FNTA: variants seen among roughly 807,000 people sequenced by gnomAD.
The protein encoded by FNTA is farnesyltransferase, CAAX box, subunit alpha, also known as protein farnesyltransferase/geranylgeranyltransferase type-1 subunit alpha.
Under a neutral mutation model 55.2 loss-of-function variants are expected in FNTA, and 27 were observed. The ratio of observed to expected loss-of-function variants is 0.49; its 90% CI spans 0.36 to 0.67. The LOEUF (loss-of-function observed/expected upper bound fraction) is 0.67, where lower values mean the gene tolerates loss of function less well. FNTA is among the 30% of genes least tolerant of loss of function. The pLI is 0.00. For missense variants in FNTA, 422 were observed against 464.7 expected, an observed-to-expected ratio of 0.91 and a Z score of 0.85; for synonymous variants, 176 against 170.7, an observed-to-expected ratio of 1.03 and a Z score of -0.24.
chr8:43,061,436 A>T (rs561563731), intron 2 of FNTA, among the ~76,000 whole-genome samples: 2 of 152,222 alleles, frequency 1.3e-5, no homozygotes, highest in Non-Finnish European at 2.9e-5. Context: ...CTATAGATGT[A>T]GTAAATTATT....
At chr8:43,066,506 G>C (rs1399402896) in intron 3 of FNTA, among the ~76,000 whole-genome samples, 1 of 151,516 alleles carries the variant, frequency 6.6e-6, no homozygotes, top group East Asian at 1.9e-4. Flanking sequence ...TGATCCGCCC[G>C]CCTCGGCCTC....
At chr8:43,083,027 CAG>C in intron 6 of FNTA, 89 bp from the exon 7 acceptor site, 2 of 704,394 alleles carry the variant, frequency 2.8e-6, no homozygotes. Flanking sequence ...GCCTGGGTGA[CAG>C]AGCAAGACTC....
At position 43,056,424 on chromosome 8, in the gene FNTA, G is replaced by A. The variant is rs761524579; in HGVS notation, c.78G>A (p.Pro26=). 2 of 1,529,872 alleles carry A rather than the reference G, an allele frequency of 1.3e-6. No individual in the cohort carries two copies. Among genetic ancestry groups the A allele is most frequent in the Non-Finnish European group, 1.8e-6 (2 of 1,141,642 alleles). The allele number at this position is 1,529,872 out of a possible 1,614,324, so 94.8% of individuals were successfully genotyped here. Residue 26 remains proline (P), a synonymous_variant, in exon 1 of 9, where the codon CCG becomes CCA. Transcript: ENST00000302279. ...PGQPAQPPPQ[P]HPPPPQQQHK... ...AGCCGGCGCAACCCCCGCCCCAGCC[G>A]CACCCACCGCCGCCCCAGCAGCAGC...
chr8:43,069,624 A>G lies in FNTA; in HGVS notation c.471A>G (p.Ala157=), dbSNP rs759745062. The G allele has an allele frequency of 6.2e-7, 1 of 1,613,372 alleles. No homozygotes were observed. The highest frequency in any genetic ancestry group is 1.1e-5 in the South Asian group (1 of 91,068). The change falls in exon 4 of 9, where the codon GCA becomes GCG. Residue 157 remains alanine, a synonymous_variant. Transcript: ENST00000302279. The stretch of plus-strand genomic sequence containing the variant: ...ATGAGGAAATGAACTACATCACTGC[A>G]ATAATTGAGGAGCAGCCCAAAAACT... ...DLHEEMNYIT[A]IIEEQPKNYQ...
At position 43,085,397 on chromosome 8, in the gene FNTA, G is replaced by A. The variant is rs142364879; in HGVS notation, c.*115G>A. 9.8e-4 allele frequency: 933 copies of A among 950,440 alleles called. 9 individuals are homozygous for A. The African/African-American group carries it at 0.014, about 15-fold the overall frequency. The allele number at this position is 950,440 out of a possible 1,614,324, so 58.9% of individuals were successfully genotyped here. On this transcript the variant is annotated 3_prime_UTR_variant, in exon 9 of 9. Coordinates refer to ENST00000302279, the MANE Select transcript of FNTA (RefSeq NM_002027.3). ...TGTGGTGTAAAAGTGCATCACACAG[G>A]TATTGCTTTTTAACAAGAACTGATG...
At chr8:43,085,128 A>AT in intron 8 of FNTA, 32 bp from the exon 9 acceptor site, 2 of 1,484,404 alleles carry the variant, frequency 1.3e-6, no homozygotes, top group Non-Finnish European at 1.8e-6. Flanking sequence ...ATTGAATTAC[A>AT]TATTACTTTA....
At position 43,070,514 on chromosome 8, in the gene FNTA, A is replaced by G. The variant is rs369319929; in HGVS notation, c.506+855A>G. 3.9e-5 allele frequency among the ~76,000 whole-genome samples: 6 copies of G among 152,312 alleles called. No individual in the cohort carries two copies. In the South Asian group the frequency reaches 6.2e-4, roughly 16 times the overall value. Reference sequence around the variant, plus strand: ...TGCTTTTATGTAAAAATCTGTAGCTATAAAATTCTGACATCACAGGCATTA... The same window carrying G: ...TGCTTTTATGTAAAAATCTGTAGCTGTAAAATTCTGACATCACAGGCATTA... On this transcript the variant is annotated intron_variant, in intron 4 of 8. Coordinates refer to ENST00000302279, the MANE Select transcript of FNTA (RefSeq NM_002027.3).
intron 5 of FNTA, 86 bp from the exon 6 acceptor site, chr8:43,077,130 C>T (rs1810930585): frequency 1.1e-6 from 1 of 946,526 alleles, no homozygotes; most frequent in Admixed American, 2.9e-5. Context: ...TCAGTTCTAC[C>T]TTCTTTGTTG....
intron 7 of FNTA, among the ~76,000 whole-genome samples, chr8:43,083,576 CG>C (rs1263428003): frequency 6.6e-5 from 10 of 152,180 alleles, no homozygotes; most frequent in Admixed American, 6.6e-4. Flanking sequence ...TAGAGATCTC[CG>C]CCTTCAGGTT....
chr8:43,063,204 C>T, intron 2 of FNTA: 3 of 453,144 alleles, frequency 6.6e-6, no homozygotes, highest in South Asian at 1.6e-5. Context: ...CCTCTGCCTC[C>T]CGAGTAGCTG....
chr8:43,084,669 C>T lies in FNTA; in HGVS notation c.846-41C>T. The T allele has an allele frequency of 5.3e-6, 8 of 1,505,234 alleles. No individual in the cohort carries two copies. The East Asian group carries it at 6.9e-5, about 13-fold the overall frequency. 93.2% of individuals were successfully genotyped at this position (1,505,234 alleles called of 1,614,324 possible). ...GATCTTTCTACTGCTTTTGTTCTTC[C>T]TTCACAAAATCAAGTCTTTGTTTTT... On this transcript the variant is annotated intron_variant, in intron 7 of 8. Transcript: ENST00000302279.
chr8:43,071,802 T>C (rs577805703), intron 4 of FNTA, among the ~76,000 whole-genome samples: 2 of 152,156 alleles, frequency 1.3e-5, no homozygotes, highest in African/African-American at 4.8e-5. Flanking sequence ...ATTTGTAGAA[T>C]GAGAAGCTGC....
At chr8:43,081,373 T>C (rs1412736627) in intron 6 of FNTA, 1 of 152,180 alleles carries the variant, frequency 6.6e-6, no homozygotes, top group African/African-American at 2.4e-5. Context: ...TATGAGTGCA[T>C]AGTCTTCTAG....
intron 1 of FNTA, chr8:43,057,437 C>T (rs1371464991): frequency 6.6e-6 from 1 of 152,176 alleles, no homozygotes. Flanking sequence ...CTCAAGTCTG[C>T]TCTCTGGATT....
intron 2 of FNTA, among the ~76,000 whole-genome samples, chr8:43,061,428 A>G (rs186224334): frequency 1.3e-5 from 2 of 152,346 alleles, no homozygotes; most frequent in African/African-American, 4.8e-5. Flanking sequence ...GGTAGTAACT[A>G]TAGATGTAGT....
chr8:43,068,451 A>C (rs187678360), intron 3 of FNTA, among the ~76,000 whole-genome samples: 89 of 152,340 alleles, frequency 5.8e-4, no homozygotes, highest in African/African-American at 1.9e-3. Context: ...GAAATTAAAG[A>C]CAAACTTGTT....
intron 1 of FNTA, among the ~76,000 whole-genome samples, chr8:43,057,495 T>G (rs1337607317): frequency 6.6e-6 from 1 of 152,164 alleles, no homozygotes; most frequent in Admixed American, 6.5e-5. Context: ...TCCTGGTGAC[T>G]AAATACAGCC....
At chr8:43,072,432 C>A in intron 5 of FNTA, 125 bp downstream of exon 5, 1 of 581,612 alleles carries the variant, frequency 1.7e-6, no homozygotes, top group East Asian at 3.9e-5. Context: ...CAATATATAA[C>A]TAAAAATTAT....
chr8:43,073,359 T>G (rs1409081772), intron 5 of FNTA: 1 of 152,232 alleles, frequency 6.6e-6, no homozygotes, highest in Non-Finnish European at 1.5e-5. Flanking sequence ...ACTGGCATGC[T>G]TCTTACTGAA....
Sources: gnomAD v4.1 joint callset for allele counts (sites outside exome capture counted in the v4.1 genomes callset) on GRCh38, gnomAD v4.1.1 for gene constraint, MANE v1.5 for transcripts, NCBI Gene and HGNC (gene_info 2026-07-23, HGNC 2026-07-21) for gene names.